The following RARB variants were observed in gnomAD, a reference collection of about 807,000 sequenced individuals.
The protein encoded by RARB is retinoic acid receptor beta, also known as HBV-activated protein.
In RARB, 17 loss-of-function variants were observed where a neutral mutation model predicts 51.9. The ratio of observed to expected loss-of-function variants is 0.33; its 90% confidence interval spans 0.22 to 0.49. The LOEUF (loss-of-function observed/expected upper bound fraction) is 0.49, where lower values mean the gene tolerates loss of function less well. RARB is among the 20% of genes least tolerant of loss of function. The pLI, the probability that RARB is intolerant of heterozygous loss-of-function variation, is 0.99. For missense variants in RARB, 369 were observed against 550.8 expected (o/e 0.67, Z 3.30); for synonymous variants, 215 against 195.4 (o/e 1.10, Z -0.84).
chr3:25,471,810 T>C (rs191278006), intron 2 of RARB, among the ~76,000 whole-genome samples: 64 of 152,362 alleles, frequency 4.2e-4, no homozygotes, highest in African/African-American at 1.0e-3. Context: ...ATCCTCTTTG[T>C]TTCTCCACCT....
chr3:24,830,450 C>G (rs1337204778), intron 1 of RARB, among the ~76,000 whole-genome samples: 1 of 17,860 alleles, frequency 5.6e-5, no homozygotes, highest in Non-Finnish European at 1.3e-4. Flanking sequence ...TGTACGTGCG[C>G]GCGCGCCGTG....
At chr3:25,163,374 G>A (rs749850203) in intron 4 of RARB, among the ~76,000 whole-genome samples, 1 of 151,670 alleles carries the variant, frequency 6.6e-6, no homozygotes, top group Non-Finnish European at 1.5e-5. Flanking sequence ...GCATGGTGGT[G>A]ATTTCCTGTA....
intron 3 of RARB, among the ~76,000 whole-genome samples, chr3:25,547,759 T>C (rs914550560): frequency 4.6e-5 from 7 of 152,030 alleles, no homozygotes; most frequent in African/African-American, 1.7e-4. Context: ...CGAATGGACA[T>C]AGAGAAGGCA....
chr3:25,176,358 C>CTTTCTTTCTTTCT (rs1700750668), intron 5 of RARB, among the ~76,000 whole-genome samples: 75 of 57,298 alleles, frequency 1.3e-3, no homozygotes, highest in African/African-American at 3.8e-3. Flanking sequence ...TCCTTCCTTC[C>CTTTCTTTCTTTCT]TTCCTTCCTT....
chr3:24,958,257 T>TTTG (rs1559411489), intron 2 of RARB, among the ~76,000 whole-genome samples: 34 of 63,086 alleles, frequency 5.4e-4, no homozygotes, highest in African/African-American at 3.0e-3. Context: ...CTGCTCAGGT[T>TTTG]TTTTTTTTTT....
chr3:25,021,692 T>C (rs1051211238), intron 2 of RARB, among the ~76,000 whole-genome samples: 4 of 152,074 alleles, frequency 2.6e-5, no homozygotes, highest in Non-Finnish European at 5.9e-5. Context: ...GTACATTCAG[T>C]TTTCCATTTG....
chr3:24,899,526 C>T (rs1163354311), intron 2 of RARB, among the ~76,000 whole-genome samples: 1 of 152,178 alleles, frequency 6.6e-6, no homozygotes, highest in East Asian at 1.9e-4. Context: ...ATCAGTCTCT[C>T]TCCCTCAATG....
intron 5 of RARB, among the ~76,000 whole-genome samples, chr3:25,348,011 A>G (rs1437514022): frequency 2.6e-5 from 4 of 152,144 alleles, no homozygotes; most frequent in African/African-American, 7.2e-5. Flanking sequence ...AATCATTGCA[A>G]ACGTACTGAT....
Position 25,428,317 on chromosome 3 carries a change from C to A in RARB, c.-415C>A. 8.0e-7 allele frequency: 1 copy of A among 1,245,438 alleles called. No homozygotes were observed. The highest frequency in any genetic ancestry group is 1.0e-6 in the Non-Finnish European group (1 of 995,638). 77.1% of individuals were successfully genotyped at this position (1,245,438 alleles called of 1,614,324 possible). On this transcript the variant is annotated 5_prime_UTR_variant, in exon 1 of 8. Transcript: ENST00000330688. ...CAGAGGCAGGAGGGTCTATTCTTTG[C>A]CAAAGGGGGGACCAGAATTCCCCCA... is the stretch of plus-strand genomic sequence containing the variant.
chr3:24,966,859 T>C (rs77984318), intron 2 of RARB, among the ~76,000 whole-genome samples: 2,711 of 152,302 alleles, frequency 0.018, 43 homozygotes, highest in Middle Eastern at 0.041. Flanking sequence ...ATTATGTCCA[T>C]TAATTAATAA....
At chr3:25,509,157 C>G (rs1697759649) in intron 3 of RARB, among the ~76,000 whole-genome samples, 1 of 152,202 alleles carries the variant, frequency 6.6e-6, no homozygotes, top group Non-Finnish European at 1.5e-5. Context: ...GAGCTGAGGT[C>G]AAATGCAGCC....
At chr3:24,881,521 A>G (rs984911830) in intron 2 of RARB, among the ~76,000 whole-genome samples, 2 of 152,204 alleles carry the variant, frequency 1.3e-5, no homozygotes, top group African/African-American at 2.4e-5. Context: ...ATTTGTTTGC[A>G]TATTACGACA....
intron 5 of RARB, among the ~76,000 whole-genome samples, chr3:25,196,113 C>G (rs1177094384): frequency 6.6e-6 from 1 of 151,864 alleles, no homozygotes; most frequent in African/African-American, 2.4e-5. Flanking sequence ...GGTACCTGTG[C>G]ACAAAGTACA....
intron 2 of RARB, among the ~76,000 whole-genome samples, chr3:25,036,669 C>T (rs1698001031): frequency 6.6e-6 from 1 of 152,102 alleles, no homozygotes; most frequent in Admixed American, 6.5e-5. Context: ...CACACCAGTA[C>T]CTGAGTGTGG....
intron 5 of RARB, among the ~76,000 whole-genome samples, chr3:25,196,140 A>G (rs1701228940): frequency 6.6e-6 from 1 of 152,036 alleles, no homozygotes. Context: ...TTATGTATGT[A>G]TACATGTGCC....
intron 2 of RARB, among the ~76,000 whole-genome samples, chr3:24,886,275 T>C (rs1365775473): frequency 6.6e-6 from 1 of 152,142 alleles, no homozygotes. Flanking sequence ...ACACACCCCT[T>C]GATGCAGGGG....
At chr3:25,527,652 G>A (rs995967082) in intron 3 of RARB, among the ~76,000 whole-genome samples, 1 of 152,110 alleles carries the variant, frequency 6.6e-6, no homozygotes, top group Non-Finnish European at 1.5e-5. Flanking sequence ...TGAAACAAAG[G>A]ACAACTAGTA....
At chr3:25,299,400 A>G (rs1285240244) in intron 5 of RARB, among the ~76,000 whole-genome samples, 2 of 152,056 alleles carry the variant, frequency 1.3e-5, no homozygotes, top group Non-Finnish European at 2.9e-5. Flanking sequence ...GAGTCTCACC[A>G]TGTTGCCCAG....
intron 2 of RARB, among the ~76,000 whole-genome samples, chr3:25,048,372 C>A (rs1698257946): frequency 6.6e-6 from 1 of 152,152 alleles, no homozygotes; most frequent in Non-Finnish European, 1.5e-5. Context: ...ACTCTTCTGA[C>A]CCCCATCCAA....
Sources: allele counts gnomAD v4.1 joint callset (sites outside exome capture counted in the v4.1 genomes callset), GRCh38; gene constraint gnomAD v4.1.1; transcripts MANE v1.5; gene names NCBI Gene and HGNC (gene_info 2026-07-23, HGNC 2026-07-21).